The following ADORA2B variants were observed in gnomAD, a reference collection of about 807,000 sequenced individuals.
The protein encoded by ADORA2B is adenosine A2b receptor.
Under a neutral mutation model 20.8 loss-of-function variants are expected in ADORA2B, and 18 were observed. That is an observed-to-expected ratio of 0.87 (90% CI 0.60 to 1.29). The LOEUF is 1.29. ADORA2B is among the 50% of genes most tolerant of loss of function. ADORA2B has a pLI of 0.00. For missense variants in ADORA2B, 441 were observed against 422.7 expected, an observed-to-expected ratio of 1.04 and a Z score of -0.38; for synonymous variants, 179 against 178.3, an observed-to-expected ratio of 1.00 and a Z score of -0.03.
intron 1 of ADORA2B, among the ~76,000 whole-genome samples, chr17:15,973,028 G>T (rs1970207251): frequency 6.6e-6 from 1 of 152,156 alleles, no homozygotes; most frequent in African/African-American, 2.4e-5. Context: ...TTTAATATTT[G>T]CTATTTCCCA....
chr17:15,949,099 T>G (rs529729862), intron 1 of ADORA2B, among the ~76,000 whole-genome samples: 1 of 151,590 alleles, frequency 6.6e-6, no homozygotes, highest in African/African-American at 2.4e-5. Context: ...TCCCAGCTAC[T>G]TGAGAGGCTG....
At chr17:15,897,589 C>G in the ADORA2B span, among the ~76,000 whole-genome samples, 1 of 151,968 alleles carries the variant, frequency 6.6e-6, no homozygotes, top group African/African-American at 2.4e-5. Context: ...AAAACCCCCC[C>G]ACAACTTTCT....
the ADORA2B span, among the ~76,000 whole-genome samples, chr17:15,869,693 A>G: frequency 6.6e-6 from 1 of 152,200 alleles, no homozygotes; most frequent in South Asian, 2.1e-4. Context: ...CAGTGCTGCT[A>G]TCCCACTTCA....
the ADORA2B span, among the ~76,000 whole-genome samples, chr17:15,897,578 C>T: frequency 6.6e-6 from 1 of 151,988 alleles, no homozygotes; most frequent in Non-Finnish European, 1.5e-5. Context: ...AAAAACAAAA[C>T]AAAACCCCCC....
chr17:15,867,126 G>T, the ADORA2B span, among the ~76,000 whole-genome samples: 1 of 152,150 alleles, frequency 6.6e-6, no homozygotes, highest in African/African-American at 2.4e-5. Flanking sequence ...GCGTGATCTC[G>T]GCTCGCTACA....
chr17:15,967,088 G>A (rs1970129618), intron 1 of ADORA2B, among the ~76,000 whole-genome samples: 1 of 152,216 alleles, frequency 6.6e-6, no homozygotes. Context: ...GAGGGAGACT[G>A]GCCTGGGGAG....
At position 15,970,047 on chromosome 17, in the gene ADORA2B, G is replaced by C. The variant is rs150412671; in HGVS notation, c.336-4632G>C. ...AGGCCTCCTGACATCCTGTATCCAA[G>C]GCCTCCATGTTTCTCTTCTCAGTGC... On this transcript the variant is annotated intron_variant, in intron 1 of 1. Coordinates refer to ENST00000304222, the MANE Select transcript of ADORA2B (RefSeq NM_000676.4). Among the ~76,000 whole-genome samples, 817 of 152,288 alleles carry C rather than the reference G, an allele frequency of 5.4e-3. 6 individuals are homozygous for C. Among genetic ancestry groups the C allele is most frequent in the African/African-American group, 0.019 (777 of 41,568 alleles).
At chr17:15,918,259 G>T in the ADORA2B span, among the ~76,000 whole-genome samples, 1 of 152,072 alleles carries the variant, frequency 6.6e-6, no homozygotes, top group Non-Finnish European at 1.5e-5. Context: ...CTTCACCTTG[G>T]TTCAGGTTTC....
the ADORA2B span, among the ~76,000 whole-genome samples, chr17:15,854,877 G>A: frequency 1.3e-5 from 2 of 150,628 alleles, no homozygotes; most frequent in African/African-American, 2.4e-5. Context: ...TCTACTGAAT[G>A]TCTACTATGT....
chr17:15,938,368 T>C, the ADORA2B span, among the ~76,000 whole-genome samples: 2 of 152,210 alleles, frequency 1.3e-5, no homozygotes, highest in Admixed American at 1.3e-4. Flanking sequence ...AGTGGTGCAA[T>C]CTCGGCTCAC....
chr17:15,953,559 G>A (rs891798803), intron 1 of ADORA2B, among the ~76,000 whole-genome samples: 1 of 152,206 alleles, frequency 6.6e-6, no homozygotes, highest in Admixed American at 6.5e-5. Flanking sequence ...CGTGGCTCAT[G>A]CCAGCCTTCT....
At chr17:15,973,878 A>G (rs1421203333) in intron 1 of ADORA2B, 8 of 152,364 alleles carry the variant, frequency 5.3e-5, no homozygotes, top group African/African-American at 1.9e-4. Flanking sequence ...AACAAAGCCA[A>G]TTTTACCACA....
the ADORA2B span, among the ~76,000 whole-genome samples, chr17:15,889,615 C>T: frequency 6.7e-4 from 87 of 129,912 alleles, 26 homozygotes; most frequent in African/African-American, 2.8e-3. Context: ...CAGCCTAGGC[C>T]GGACGTAGTG....
chr17:15,856,822 G>T, the ADORA2B span, among the ~76,000 whole-genome samples: 1 of 152,186 alleles, frequency 6.6e-6, no homozygotes, highest in South Asian at 2.1e-4. Flanking sequence ...GGGAATCAGA[G>T]CATAAAAGTT....
chr17:15,964,784 G>A (rs547490852), intron 1 of ADORA2B, among the ~76,000 whole-genome samples: 40 of 151,412 alleles, frequency 2.6e-4, no homozygotes, highest in East Asian at 1.9e-3. Flanking sequence ...AAATCTGGCC[G>A]GGCGCGGTGG....
the ADORA2B span, among the ~76,000 whole-genome samples, chr17:15,916,082 G>C: frequency 6.6e-6 from 1 of 152,224 alleles, no homozygotes; most frequent in South Asian, 2.1e-4. Context: ...CTGGCTGTCA[G>C]CTGGGGTGGG....
chr17:15,938,968 C>T, the ADORA2B span, among the ~76,000 whole-genome samples: 3 of 152,122 alleles, frequency 2.0e-5, no homozygotes, highest in Admixed American at 2.0e-4. Flanking sequence ...CTAAGATCTC[C>T]GAATGTATAT....
At chr17:15,907,643 T>C in the ADORA2B span, among the ~76,000 whole-genome samples, 2 of 151,996 alleles carry the variant, frequency 1.3e-5, no homozygotes, top group African/African-American at 4.8e-5. Flanking sequence ...AACCAGCAAA[T>C]TAGCAAAAAA....
chr17:15,974,025 A>G (rs533609636), intron 1 of ADORA2B: 1 of 152,026 alleles, frequency 6.6e-6, no homozygotes. Context: ...GTGGTGGAAG[A>G]TAATTTATGG....
Sources: allele counts gnomAD v4.1 joint callset (sites outside exome capture counted in the v4.1 genomes callset), GRCh38; gene constraint gnomAD v4.1.1; transcripts MANE v1.5; gene names NCBI Gene and HGNC (gene_info 2026-07-23, HGNC 2026-07-21).